Variants in LRMDA observed in about 807,000 individuals in gnomAD.
LRMDA encodes leucine rich melanocyte differentiation associated.
In LRMDA, 18 loss-of-function variants were observed where a neutral mutation model predicts 29.8. The ratio of observed to expected loss-of-function variants is 0.60; its 90% CI spans 0.42 to 0.90. LRMDA has a LOEUF of 0.90. LRMDA is among the 40% of genes least tolerant of loss of function. LRMDA has a pLI of 0.00. For missense variants in LRMDA, 273 were observed against 273.9 expected (o/e 1.00, Z 0.02); for synonymous variants, 125 against 109.4 (o/e 1.14, Z -0.89).
At chr10:75,877,584 A>G (rs1012765074) in intron 2 of LRMDA, among the ~76,000 whole-genome samples, 14 of 152,242 alleles carry the variant, frequency 9.2e-5, no homozygotes, top group African/African-American at 3.1e-4. Context: ...TGAATGAAAT[A>G]TGTTACTTGT....
At chr10:76,202,254 A>G (rs889087923) in intron 5 of LRMDA, among the ~76,000 whole-genome samples, 3 of 152,206 alleles carry the variant, frequency 2.0e-5, no homozygotes, top group African/African-American at 7.2e-5. Context: ...CATTACCGCA[A>G]CAGTCTGTTA....
intron 2 of LRMDA, among the ~76,000 whole-genome samples, chr10:75,841,444 C>G (rs1163064131): frequency 6.6e-6 from 1 of 152,230 alleles, no homozygotes; most frequent in East Asian, 1.9e-4. Context: ...TACCTTGTGG[C>G]TGCCACCCAA....
intron 3 of LRMDA, among the ~76,000 whole-genome samples, chr10:76,036,878 T>C (rs1848258121): frequency 6.6e-6 from 1 of 152,218 alleles, no homozygotes; most frequent in Non-Finnish European, 1.5e-5. Flanking sequence ...TACCCGGCAC[T>C]AGAATGCCAG....
intron 2 of LRMDA, among the ~76,000 whole-genome samples, chr10:75,967,304 T>G (rs1564618833): frequency 6.6e-6 from 1 of 152,216 alleles, no homozygotes; most frequent in Non-Finnish European, 1.5e-5. Flanking sequence ...TTGAATTTAA[T>G]TGAACTTTTT....
At chr10:76,485,752 A>C (rs1457078293) in intron 6 of LRMDA, among the ~76,000 whole-genome samples, 2 of 151,808 alleles carry the variant, frequency 1.3e-5, no homozygotes, top group African/African-American at 2.4e-5. Flanking sequence ...TTACTATTGA[A>C]GGATAACTCC....
chr10:75,799,680 TTGTGTG>T (rs57575125), intron 2 of LRMDA, among the ~76,000 whole-genome samples: 11,432 of 136,132 alleles, frequency 0.084, 563 homozygotes, highest in Non-Finnish European at 0.12. Flanking sequence ...ATTCCTAGCT[TTGTGTG>T]TGTGTGTGTG....
intron 2 of LRMDA, among the ~76,000 whole-genome samples, chr10:75,498,486 G>A (rs1283239562): frequency 6.6e-5 from 10 of 152,172 alleles, no homozygotes; most frequent in Admixed American, 5.2e-4. Flanking sequence ...GCATGCGTGC[G>A]TGTGTGTGCA....
At chr10:76,216,419 C>CA (rs2132252193) in intron 5 of LRMDA, among the ~76,000 whole-genome samples, 1 of 152,172 alleles carries the variant, frequency 6.6e-6, no homozygotes, top group South Asian at 2.1e-4. Context: ...TCATTATATG[C>CA]AAATGATAAT....
intron 2 of LRMDA, among the ~76,000 whole-genome samples, chr10:75,796,075 C>T (rs1843647267): frequency 6.6e-6 from 1 of 152,176 alleles, no homozygotes; most frequent in South Asian, 2.1e-4. Context: ...AAGTCACTTA[C>T]TACTTCTAGT....
intron 5 of LRMDA, among the ~76,000 whole-genome samples, chr10:76,074,844 A>C (rs1289564343): frequency 6.6e-6 from 1 of 152,166 alleles, no homozygotes; most frequent in Admixed American, 6.5e-5. Flanking sequence ...CTGCTGTAAC[A>C]AACAGTCCCA....
intron 6 of LRMDA, among the ~76,000 whole-genome samples, chr10:76,457,762 C>T (rs1338763626): frequency 6.6e-6 from 1 of 151,934 alleles, no homozygotes; most frequent in Non-Finnish European, 1.5e-5. Flanking sequence ...AATCAGTTGA[C>T]AGAAATGTTG....
At chr10:76,158,356 G>A (rs1898098) in intron 5 of LRMDA, among the ~76,000 whole-genome samples, 14,172 of 151,810 alleles carry the variant, frequency 0.093, 1,164 homozygotes, top group African/African-American at 0.23. Flanking sequence ...CTCTTCTTAC[G>A]TACTAATGGC....
chr10:75,695,068 T>TTG, intron 2 of LRMDA, among the ~76,000 whole-genome samples: 1 of 151,764 alleles, frequency 6.6e-6, no homozygotes, highest in South Asian at 2.1e-4. Context: ...GGAGTGGCTA[T>TTG]TGAGTAGGTG....
intron 5 of LRMDA, among the ~76,000 whole-genome samples, chr10:76,272,586 C>A (rs1840081417): frequency 1.3e-5 from 2 of 152,206 alleles, no homozygotes; most frequent in African/African-American, 4.8e-5. Context: ...ATTTTCCAAA[C>A]AGACTCAGTC....
intron 2 of LRMDA, among the ~76,000 whole-genome samples, chr10:75,546,391 A>G (rs1840082046): frequency 6.9e-6 from 1 of 144,162 alleles, no homozygotes; most frequent in African/African-American, 3.0e-5. Context: ...ATATGTGTAC[A>G]CAGGTTATGA....
chr10:76,008,606 C>A (rs1019275226), intron 2 of LRMDA, among the ~76,000 whole-genome samples: 1 of 152,240 alleles, frequency 6.6e-6, no homozygotes, highest in African/African-American at 2.4e-5. Flanking sequence ...TGCCAACCTG[C>A]CTCCCACCGG....
chr10:76,214,845 T>C, intron 5 of LRMDA, among the ~76,000 whole-genome samples: 1 of 152,210 alleles, frequency 6.6e-6, no homozygotes, highest in East Asian at 1.9e-4. Context: ...GCAGGAGCTG[T>C]ACTTGGTGAT....
intron 2 of LRMDA, among the ~76,000 whole-genome samples, chr10:75,616,298 G>A (rs1020445616): frequency 4.2e-5 from 6 of 143,254 alleles, no homozygotes; most frequent in African/African-American, 1.8e-4. Flanking sequence ...TAGTAGTAGT[G>A]GTGGTGGTGG....
At chr10:76,164,102 A>C (rs1484788391) in intron 5 of LRMDA, among the ~76,000 whole-genome samples, 1 of 151,254 alleles carries the variant, frequency 6.6e-6, no homozygotes, top group Admixed American at 6.6e-5. Flanking sequence ...GCCTCTTTAG[A>C]AATCATTTAA....
Sources: allele counts gnomAD v4.1 joint callset (sites outside exome capture counted in the v4.1 genomes callset), GRCh38; gene constraint gnomAD v4.1.1; transcripts MANE v1.5; gene names NCBI Gene and HGNC (gene_info 2026-07-23, HGNC 2026-07-21).